Variants in ANKRD11 observed in about 807,000 individuals in gnomAD.
ANKRD11 encodes ankyrin repeat domain-containing protein 11.
A neutral mutation model predicts 195.7 loss-of-function variants in ANKRD11; 17 were observed. The ratio of observed to expected loss-of-function variants is 0.09; its 90% CI spans 0.06 to 0.13. ANKRD11 has a LOEUF of 0.13. Ranked by LOEUF, ANKRD11 falls within the 10% of genes least tolerant of loss-of-function variation. The pLI is 1.00. For missense variants in ANKRD11, 3,735 were observed against 3,566.1 expected, an observed-to-expected ratio of 1.05 and a Z score of -1.21; for synonymous variants, 1,953 against 1,528.1, an observed-to-expected ratio of 1.28 and a Z score of -6.49.
intron 1 of ANKRD11, among the ~76,000 whole-genome samples, chr16:89,424,162 C>T (rs1436514054): frequency 1.3e-5 from 2 of 152,162 alleles, no homozygotes; most frequent in East Asian, 3.8e-4. Flanking sequence ...AAAAATCTTG[C>T]TTCCTGGCTG....
At chr16:89,478,331 G>T (rs1287518169) in intron 1 of ANKRD11, among the ~76,000 whole-genome samples, 5 of 151,934 alleles carry the variant, frequency 3.3e-5, no homozygotes, top group Admixed American at 6.6e-5. Flanking sequence ...CCACATTGGG[G>T]TTGGTTTTTT....
At chr16:89,420,195 G>A (rs1454941400) in intron 1 of ANKRD11, 3 of 152,246 alleles carry the variant, frequency 2.0e-5, no homozygotes, top group Admixed American at 2.0e-4. Flanking sequence ...CCGTAAAAGA[G>A]CTCAGAGAGG....
At chr16:89,444,575 C>A (rs1254292282) in intron 1 of ANKRD11, among the ~76,000 whole-genome samples, 1 of 152,144 alleles carries the variant, frequency 6.6e-6, no homozygotes, top group Non-Finnish European at 1.5e-5. Flanking sequence ...ACTTTGCCCA[C>A]TGTTTCTTCT....
In ANKRD11 at chr16:89,280,025, C is replaced by A. The variant is rs764262189; in HGVS notation, c.6517G>T (p.Val2173Phe). The change falls in exon 9 of 13, where the codon GTC becomes TTC. Residue 2173 changes from valine (V) to phenylalanine (F), a missense_variant. Coordinates refer to ENST00000301030, the MANE Select transcript of ANKRD11 (RefSeq NM_013275.6). ...GTGGAAACATCCCCACCGTTTATGA[C>A]CCCGGGGGCCCCTGGAGGCATCTCT... ...PEEMPPGAPGVINGGDVSTVV... is the reference protein window; with the variant it reads ...PEEMPPGAPGFINGGDVSTVV... 6.8e-6 allele frequency: 11 copies of A among 1,612,716 alleles called. No homozygotes were observed. Among genetic ancestry groups the A allele is most frequent in the Non-Finnish European group, 9.3e-6 (11 of 1,179,940 alleles).
At chr16:89,405,664 A>C (rs1163368209) in intron 2 of ANKRD11, among the ~76,000 whole-genome samples, 1 of 151,850 alleles carries the variant, frequency 6.6e-6, no homozygotes, top group East Asian at 1.9e-4. Flanking sequence ...AGCCTTCCTG[A>C]CTGCTGCAGA....
At chr16:89,304,993 C>A in intron 4 of ANKRD11, 1 of 687,036 alleles carries the variant, frequency 1.5e-6, no homozygotes, top group Non-Finnish European at 2.4e-6. Flanking sequence ...GTGAAGCTCT[C>A]CAATCGGCCC....
chr16:89,415,829 C>CAAACAAAAAAA (rs1343927982), intron 2 of ANKRD11, among the ~76,000 whole-genome samples: 27 of 39,740 alleles, frequency 6.8e-4, no homozygotes, highest in African/African-American at 2.4e-3. Context: ...GACTCTGTCT[C>CAAACAAAAAAA]AAAAAAAAAA....
chr16:89,384,462 G>C (rs1030585956), intron 2 of ANKRD11, among the ~76,000 whole-genome samples: 1 of 152,062 alleles, frequency 6.6e-6, no homozygotes, highest in Non-Finnish European at 1.5e-5. Context: ...GGGATGAAAT[G>C]GGACAGGACA....
At chr16:89,325,955 G>A (rs2037691033) in intron 2 of ANKRD11, among the ~76,000 whole-genome samples, 1 of 152,222 alleles carries the variant, frequency 6.6e-6, no homozygotes, top group Non-Finnish European at 1.5e-5. Flanking sequence ...ATGTCGGGCA[G>A]GCCTAGCCAT....
intron 2 of ANKRD11, among the ~76,000 whole-genome samples, chr16:89,379,770 T>G (rs2040567549): frequency 6.6e-6 from 1 of 152,178 alleles, no homozygotes; most frequent in Non-Finnish European, 1.5e-5. Context: ...TTGGACTGAG[T>G]ACAACGGGCA....
chr16:89,347,946 T>C (rs2039022122), intron 2 of ANKRD11, among the ~76,000 whole-genome samples: 1 of 152,066 alleles, frequency 6.6e-6, no homozygotes, highest in Non-Finnish European at 1.5e-5. Context: ...TTTTGTCTTT[T>C]TTTTTTTGAC....
At position 89,291,265 on chromosome 16, in the gene ANKRD11, G is replaced by A. The variant is rs959834772; in HGVS notation, c.227-82C>T. 53 of 1,536,614 alleles carry A rather than the reference G, an allele frequency of 3.4e-5. No homozygotes were observed. The highest frequency in any genetic ancestry group is 1.0e-4 in the South Asian group (9 of 88,316). On this transcript the variant is annotated intron_variant, in intron 4 of 12. Transcript: ENST00000301030. This position sits in a 1 kb window ranked among gnomAD's most constrained non-coding sequence, Gnocchi z 5.3. ...AAGCTAGGTCCTTACCTAATGTTAC[G>A]GAGCCCCCTGCGTCCACCTGACAGC...
intron 2 of ANKRD11, among the ~76,000 whole-genome samples, chr16:89,326,865 T>C (rs921394014): frequency 2.6e-5 from 4 of 152,220 alleles, no homozygotes; most frequent in East Asian, 1.9e-4. Context: ...CGCCAGGGGC[T>C]GCTGGTGGCA....
At position 89,284,022 on chromosome 16, in the gene ANKRD11, C is replaced by T; in HGVS notation, c.2520G>A (p.Arg840=). Reference sequence around the variant, plus strand: ...ATGAATCGGACAAGTCAGAAAACCACCGATCTCGCTGATCGTCAGAAAGGC... The same window carrying T: ...ATGAATCGGACAAGTCAGAAAACCATCGATCTCGCTGATCGTCAGAAAGGC... ...KFSLSDDQRD[R]WFSDLSDSSF... Residue 840 remains arginine, a synonymous_variant, in exon 9 of 13, where the codon CGG becomes CGA. Coordinates refer to ENST00000301030, the MANE Select transcript of ANKRD11 (RefSeq NM_013275.6). 6.2e-7 allele frequency: 1 copy of T among 1,614,186 alleles called. No homozygotes were observed. Among genetic ancestry groups the T allele is most frequent in the Non-Finnish European group, 8.5e-7 (1 of 1,180,040 alleles).
intron 2 of ANKRD11, among the ~76,000 whole-genome samples, chr16:89,349,315 C>T (rs185988953): frequency 6.6e-6 from 1 of 151,890 alleles, no homozygotes; most frequent in East Asian, 1.9e-4. Flanking sequence ...CCCATCTCTA[C>T]TCAAAATACC....
intron 7 of ANKRD11, 77 bp downstream of exon 7, chr16:89,288,451 G>T: frequency 6.2e-7 from 1 of 1,606,728 alleles, no homozygotes. Flanking sequence ...GAACCGGCTA[G>T]CTACGGGGAA....
chr16:89,397,533 G>C (rs997215884), intron 2 of ANKRD11, among the ~76,000 whole-genome samples: 3 of 152,206 alleles, frequency 2.0e-5, no homozygotes, highest in African/African-American at 7.2e-5. Flanking sequence ...AGTCGTCCCT[G>C]ACGGGGAAGG....
At chr16:89,395,380 T>G (rs757074820) in intron 2 of ANKRD11, among the ~76,000 whole-genome samples, 3 of 152,222 alleles carry the variant, frequency 2.0e-5, no homozygotes, top group Non-Finnish European at 4.4e-5. Context: ...AGTCCTGCAC[T>G]GCGGGGACAT....
intron 2 of ANKRD11, among the ~76,000 whole-genome samples, chr16:89,362,767 G>A (rs143235816): frequency 3.3e-4 from 51 of 152,258 alleles, no homozygotes; most frequent in African/African-American, 1.2e-3. Context: ...CAAGCATTAG[G>A]TCACGGCCTG....
Sources: gnomAD v4.1 joint callset for allele counts (sites outside exome capture counted in the v4.1 genomes callset) on GRCh38, gnomAD v4.1.1 for gene constraint, Gnocchi (gnomAD v3.1) non-coding constraint, MANE v1.5 for transcripts, NCBI Gene and HGNC (gene_info 2026-07-23, HGNC 2026-07-21) for gene names.